Variants in MYOZ2 observed in about 807,000 individuals in gnomAD.
MYOZ2 encodes myozenin-2.
MYOZ2 carries 19 observed loss-of-function variants against 25.4 expected under a neutral mutation model. The observed-to-expected ratio is 0.75, with a 90% CI of 0.52 to 1.10. The LOEUF is 1.10. Among genes scored for constraint, MYOZ2 ranks in the 50% least tolerant of loss-of-function variants. MYOZ2 has a pLI of 0.00. For missense variants in MYOZ2, 270 were observed against 317.9 expected, an observed-to-expected ratio of 0.85 and a Z score of 1.15; for synonymous variants, 92 against 106.9, an observed-to-expected ratio of 0.86 and a Z score of 0.86.
chr4:119,175,393 A>G (rs1443391927), intron 5 of MYOZ2, among the ~76,000 whole-genome samples: 3 of 152,228 alleles, frequency 2.0e-5, no homozygotes, highest in Admixed American at 2.0e-4. Flanking sequence ...TACAAGGTTA[A>G]TTGATCAATT....
chr4:119,137,192 C>G, intron 2 of MYOZ2, among the ~76,000 whole-genome samples: 1 of 152,114 alleles, frequency 6.6e-6, no homozygotes, highest in East Asian at 1.9e-4. Context: ...ATTGTAGTCT[C>G]AAAGCATATG....
chr4:119,169,244 G>C (rs1741898213), intron 5 of MYOZ2, among the ~76,000 whole-genome samples: 1 of 152,166 alleles, frequency 6.6e-6, no homozygotes, highest in Non-Finnish European at 1.5e-5. Context: ...CTACAATACA[G>C]TGTAAACATA....
intron 5 of MYOZ2, among the ~76,000 whole-genome samples, chr4:119,173,055 G>A (rs956921921): frequency 6.6e-6 from 1 of 152,116 alleles, no homozygotes; most frequent in Non-Finnish European, 1.5e-5. Flanking sequence ...CTACTTAGTA[G>A]AATATTTTAA....
At chr4:119,175,663 A>G (rs937305725) in intron 5 of MYOZ2, among the ~76,000 whole-genome samples, 1 of 151,592 alleles carries the variant, frequency 6.6e-6, no homozygotes, top group African/African-American at 2.4e-5. Flanking sequence ...GAGGCAGGAG[A>G]CTGGTTTGAA....
rs1209938699 is a variant in MYOZ2, at chr4:119,185,173, CTTCT to C, written c.561-782_561-779del. Among the ~76,000 whole-genome samples the C allele has an allele frequency of 2.7e-5, 4 of 148,408 alleles. No homozygotes were observed. The East Asian group carries it at 5.9e-4, about 22-fold the overall frequency. On this transcript the variant is annotated intron_variant, in intron 5 of 5. Transcript: ENST00000307128. ...TTCGTTTCCTTTCCCTTCTCCTTTC[CTTCT>C]TTCTTTCTTTTTTTCTGAGATGAGG...
chr4:119,145,714 G>A lies in MYOZ2; in HGVS notation c.77-5158G>A, dbSNP rs141905127. Among the ~76,000 whole-genome samples, 717 of 152,154 alleles carry A rather than the reference G, an allele frequency of 4.7e-3. 4 individuals carry two copies. The highest frequency in any genetic ancestry group is 5.3e-3 in the Non-Finnish European group (359 of 68,002). On this transcript the variant is annotated intron_variant, in intron 2 of 5. Coordinates refer to ENST00000307128, the MANE Select transcript of MYOZ2 (RefSeq NM_016599.5). ...GTCTTTCTCTGGCTTTGGTATCAGT[G>A]TATTATTACCTTAATGAAATGAACT...
rs745687769 is a variant in MYOZ2 at position 119,136,651 on chromosome 4, G to A, written c.76+50G>A. 17 of 1,538,880 alleles carry A rather than the reference G, an allele frequency of 1.1e-5. No individual in the cohort carries two copies. The African/African-American group carries it at 2.2e-4, about 20-fold the overall frequency. ...ATTAATATAGCACAGCATGAATGTG[G>A]CTCCATCCTGACGTTGTTTAATATT... On this transcript the variant is annotated intron_variant, in intron 2 of 5. Coordinates refer to ENST00000307128, the MANE Select transcript of MYOZ2 (RefSeq NM_016599.5).
intron 5 of MYOZ2, among the ~76,000 whole-genome samples, chr4:119,177,860 A>C (rs1038936793): frequency 1.3e-5 from 2 of 152,140 alleles, no homozygotes; most frequent in Non-Finnish European, 2.9e-5. Flanking sequence ...AAACATATTA[A>C]AATGCCTCCC....
At chr4:119,175,828 A>C (rs2149228499) in intron 5 of MYOZ2, among the ~76,000 whole-genome samples, 1 of 152,150 alleles carries the variant, frequency 6.6e-6, no homozygotes, top group East Asian at 1.9e-4. Context: ...TATTTATTTC[A>C]AAGGGCCATG....
At chr4:119,167,922 C>A (rs7666947) in intron 5 of MYOZ2, among the ~76,000 whole-genome samples, 2 of 152,176 alleles carry the variant, frequency 1.3e-5, no homozygotes, top group East Asian at 3.8e-4. Context: ...TTATTGACAA[C>A]GAACCTGGTC....
chr4:119,139,930 G>A (rs1049710568), intron 2 of MYOZ2, among the ~76,000 whole-genome samples: 2 of 127,196 alleles, frequency 1.6e-5, no homozygotes, highest in Admixed American at 1.7e-4. Flanking sequence ...GCACACTGAA[G>A]AGAACTGGGC....
intron 5 of MYOZ2, among the ~76,000 whole-genome samples, chr4:119,166,138 T>A (rs1741819492): frequency 1.3e-5 from 2 of 152,180 alleles, no homozygotes; most frequent in South Asian, 4.1e-4. Context: ...AAATAAAAAC[T>A]TAGGAATTAA....
At chr4:119,147,412 G>C (rs1403410656) in intron 2 of MYOZ2, among the ~76,000 whole-genome samples, 4 of 151,872 alleles carry the variant, frequency 2.6e-5, no homozygotes, top group Non-Finnish European at 5.9e-5. Context: ...ACAGTCTACT[G>C]ATGTTGTCAT....
Position 119,158,931 on chromosome 4 carries a change from G to A in MYOZ2, c.376+780G>A, listed in dbSNP as rs148072517. Among the ~76,000 whole-genome samples the A allele has an allele frequency of 3.0e-3, 451 of 152,160 alleles. 4 individuals are homozygous for A. Among genetic ancestry groups the A allele is most frequent in the African/African-American group, 0.01 (432 of 41,508 alleles). ...GACCATAGTCAATAGTAACCTAATT[G>A]TACATTTTACAATAACTAAAAGAGT... On this transcript the variant is annotated intron_variant, in intron 4 of 5. Coordinates refer to ENST00000307128, the MANE Select transcript of MYOZ2 (RefSeq NM_016599.5).
At chr4:119,144,510 C>T (rs1291870037) in intron 2 of MYOZ2, among the ~76,000 whole-genome samples, 1 of 152,182 alleles carries the variant, frequency 6.6e-6, no homozygotes, top group African/African-American at 2.4e-5. Flanking sequence ...CAGTTTATAA[C>T]AGAATTTATT....
chr4:119,184,102 A>T (rs566811187), intron 5 of MYOZ2, among the ~76,000 whole-genome samples: 1 of 152,284 alleles, frequency 6.6e-6, no homozygotes, highest in Non-Finnish European at 1.5e-5. Context: ...GGTGCGAACC[A>T]CTGGCACTGT....
At chr4:119,177,902 C>T (rs1742112028) in intron 5 of MYOZ2, among the ~76,000 whole-genome samples, 1 of 152,200 alleles carries the variant, frequency 6.6e-6, no homozygotes, top group South Asian at 2.1e-4. Flanking sequence ...TCCCCAGGCT[C>T]TCTTCCAATT....
intron 4 of MYOZ2, among the ~76,000 whole-genome samples, chr4:119,161,593 A>G (rs1161204786): frequency 1.3e-5 from 2 of 152,146 alleles, no homozygotes; most frequent in South Asian, 2.1e-4. Context: ...ATATAAGCAC[A>G]TTCTTTTCTG....
Position 119,136,617 on chromosome 4 carries a change from C to T in MYOZ2, c.76+16C>T. The T allele has an allele frequency of 6.2e-7, 1 of 1,607,212 alleles. No individual in the cohort carries two copies. Among genetic ancestry groups the T allele is most frequent in the Non-Finnish European group, 8.5e-7 (1 of 1,174,370 alleles). On this transcript the variant is annotated intron_variant, in intron 2 of 5. Coordinates refer to ENST00000307128, the MANE Select transcript of MYOZ2 (RefSeq NM_016599.5). ...CATGGAAATGGTATCAATAAAAATC[C>T]TTCGTAGCATTAATATAGCACAGCA...
Sources: allele counts gnomAD v4.1 joint callset (sites outside exome capture counted in the v4.1 genomes callset), GRCh38; gene constraint gnomAD v4.1.1; transcripts MANE v1.5; gene names NCBI Gene and HGNC (gene_info 2026-07-23, HGNC 2026-07-21).